GLI3: variants seen among roughly 807,000 people sequenced by gnomAD.
The protein encoded by GLI3 is transcription activator GLI3.
A neutral mutation model predicts 100.8 loss-of-function variants in GLI3; 20 were observed. The observed-to-expected ratio is 0.20, with a 90% CI of 0.14 to 0.29. The LOEUF (loss-of-function observed/expected upper bound fraction) is 0.29. Ranked by LOEUF, GLI3 falls within the 10% of genes least tolerant of loss-of-function variation. The pLI is 1.00. For synonymous variants in GLI3, 938 were observed against 860.5 expected (o/e 1.09, Z -1.58); for missense variants, 2,040 against 2,128.5 (o/e 0.96, Z 0.82).
At chr7:42,259,417 T>C (rs1789117471) in intron 1 of GLI3, among the ~76,000 whole-genome samples, 1 of 152,212 alleles carries the variant, frequency 6.6e-6, no homozygotes, top group African/African-American at 2.4e-5. Context: ...ATGTAGCTGT[T>C]CCTAGTTAAG....
intron 2 of GLI3, among the ~76,000 whole-genome samples, chr7:42,162,754 G>A (rs773231119): frequency 5.3e-5 from 8 of 152,040 alleles, no homozygotes; most frequent in Non-Finnish European, 1.0e-4. Context: ...TAAAATGAAT[G>A]CACCTCAGAG....
At chr7:42,186,426 C>G (rs1056874871) in intron 2 of GLI3, among the ~76,000 whole-genome samples, 2 of 152,128 alleles carry the variant, frequency 1.3e-5, no homozygotes, top group African/African-American at 4.8e-5. Context: ...TAATGACGTT[C>G]TTGATTTTGC....
chr7:42,257,639 C>T (rs565488522), intron 1 of GLI3, among the ~76,000 whole-genome samples: 2 of 152,048 alleles, frequency 1.3e-5, no homozygotes, highest in Non-Finnish European at 2.9e-5. Context: ...CCACCGTGCA[C>T]GTCCCATTCA....
chr7:42,232,216 A>G (rs61317786), intron 1 of GLI3, among the ~76,000 whole-genome samples: 4,543 of 152,220 alleles, frequency 0.03, 214 homozygotes, highest in African/African-American at 0.1. Context: ...ATTTATATGT[A>G]CAGTGCATGC....
In GLI3 at chr7:42,025,120, G is replaced by T. The variant is rs866536170; in HGVS notation, c.1356+144C>A. 7.0e-5 allele frequency: 45 copies of T among 643,142 alleles called. No homozygotes were observed. The Middle Eastern group carries it at 2.5e-3, about 36-fold the overall frequency. 39.8% of individuals were successfully genotyped at this position (643,142 alleles called of 1,614,324 possible). ...CCATATCTAGCCTTTTGTACAACAT[G>T]TAGAGTACGGCCAAGGTCAACAATG... On this transcript the variant is annotated intron_variant, in intron 9 of 14. Transcript: ENST00000395925.
chr7:41,966,822 G>T lies in GLI3; in HGVS notation c.2432-181C>A, dbSNP rs1787198753. 6.6e-6 allele frequency among the ~76,000 whole-genome samples: 1 copy of T among 152,170 alleles called. No individual in the cohort carries two copies. Among genetic ancestry groups the T allele is most frequent in the Non-Finnish European group, 1.5e-5 (1 of 68,040 alleles). On this transcript the variant is annotated intron_variant, in intron 14 of 14. Coordinates refer to ENST00000395925, the MANE Select transcript of GLI3 (RefSeq NM_000168.6). This position sits in a 1 kb window ranked among gnomAD's most constrained non-coding sequence, Gnocchi z 5.8. ...AGTGTAGCCCCAACACGGCCACAGAGAGCAGTGAGCAAGCAAGCGTGGCGG... is the reference window on the plus strand; with the variant it reads ...AGTGTAGCCCCAACACGGCCACAGATAGCAGTGAGCAAGCAAGCGTGGCGG...
chr7:42,049,029 A>T (rs1784302141), intron 4 of GLI3, among the ~76,000 whole-genome samples: 1 of 152,188 alleles, frequency 6.6e-6, no homozygotes, highest in African/African-American at 2.4e-5. Context: ...TGGTTGCTAC[A>T]ATTGTATTTT....
At chr7:42,238,507 C>T (rs1285085719), upstream of GLI3, among the ~76,000 whole-genome samples, 2 of 152,178 alleles carry the variant, frequency 1.3e-5, no homozygotes, top group Admixed American at 6.5e-5. Flanking sequence ...CGAGGAGGAG[C>T]TCCCACCACA....
chr7:42,129,683 C>T (rs1317368700), intron 3 of GLI3, among the ~76,000 whole-genome samples: 1 of 152,074 alleles, frequency 6.6e-6, no homozygotes, highest in Non-Finnish European at 1.5e-5. Flanking sequence ...AGGTGGCGGG[C>T]GCCTGTAATC....
At chr7:41,999,239 A>T (rs1035925148) in intron 10 of GLI3, among the ~76,000 whole-genome samples, 5 of 152,118 alleles carry the variant, frequency 3.3e-5, no homozygotes, top group Non-Finnish European at 7.4e-5. Context: ...GTGACCTAGG[A>T]CACCTGCCTT....
intron 1 of GLI3, among the ~76,000 whole-genome samples, chr7:42,263,054 C>A (rs1044456586): frequency 1.3e-5 from 2 of 152,106 alleles, no homozygotes; most frequent in Admixed American, 6.5e-5. Context: ...TGTAATTATC[C>A]GAGGCATACA....
intron 3 of GLI3, among the ~76,000 whole-genome samples, chr7:42,117,744 GC>G (rs1156278270): frequency 1.3e-5 from 2 of 152,158 alleles, no homozygotes; most frequent in African/African-American, 4.8e-5. Flanking sequence ...GATCTCAGAG[GC>G]CATACATGTT....
intron 2 of GLI3, among the ~76,000 whole-genome samples, chr7:42,176,421 G>A (rs1048540690): frequency 1.3e-5 from 2 of 151,582 alleles, no homozygotes; most frequent in South Asian, 2.1e-4. Flanking sequence ...CTTCTCTAAC[G>A]CCACCCAGGT....
rs183817763 is a variant in GLI3 at position 42,063,576 on chromosome 7, T to C, written c.473+13176A>G. ...TGACTGCCACTTCACCAATAAGCAATTGTAAAACACTATAGATTGTAAAAT... is the reference window on the plus strand; with the variant it reads ...TGACTGCCACTTCACCAATAAGCAACTGTAAAACACTATAGATTGTAAAAT... On this transcript the variant is annotated intron_variant, in intron 4 of 14. Transcript: ENST00000395925. Among the ~76,000 whole-genome samples the C allele has an allele frequency of 2.1e-3, 318 of 152,306 alleles. 1 individual carries two copies. Among genetic ancestry groups the C allele is most frequent in the Middle Eastern group, 0.01 (3 of 294 alleles).
intron 7 of GLI3, among the ~76,000 whole-genome samples, chr7:42,038,806 C>A (rs761618448): frequency 5.3e-5 from 8 of 152,138 alleles, no homozygotes; most frequent in Non-Finnish European, 1.2e-4. Context: ...TAGGGAAAGA[C>A]AACAGTATTC....
At chr7:42,228,499 C>T (rs578246312) in intron 1 of GLI3, among the ~76,000 whole-genome samples, 1 of 152,294 alleles carries the variant, frequency 6.6e-6, no homozygotes, top group East Asian at 1.9e-4. Flanking sequence ...CCCTGCTCCT[C>T]GGAATATTCA....
chr7:42,222,696 T>G, intron 2 of GLI3: 1 of 184,756 alleles, frequency 5.4e-6, no homozygotes, highest in Non-Finnish European at 1.2e-5. Context: ...TCCTTTAAAG[T>G]AGACTACTTA....
Position 41,964,993 on chromosome 7 carries a change from T to C in GLI3, c.4080A>G (p.Pro1360=), listed in dbSNP as rs147379052. The part of the protein sequence containing the change: ...ATSHINIYQG[P]ESCLPGAHGM... ...CGTGAGCCCCTGGCAGGCAGCTCTC[T>C]GGCCCTTGGTAGATGTTGATGTGTG... is the stretch of plus-strand genomic sequence containing the variant. Residue 1360 remains proline (P), a synonymous_variant, in exon 15 of 15, where the codon CCA becomes CCG. Coordinates refer to ENST00000395925, the MANE Select transcript of GLI3 (RefSeq NM_000168.6). The C allele has an allele frequency of 3.7e-6, 6 of 1,613,756 alleles. No homozygotes were observed. In the African/African-American group the frequency reaches 8.0e-5, roughly 22 times the overall value.
chr7:42,023,583 A>G lies in GLI3; in HGVS notation c.1382T>C (p.Val461Ala), dbSNP rs773285140. 3 of 1,613,094 alleles carry G rather than the reference A, an allele frequency of 1.9e-6. 1 individual carries two copies. In the African/African-American group the frequency reaches 4.0e-5, roughly 22 times the overall value. ...TTCATCTTTGTCCCCTTCCTCCTTG[A>G]CAAGGGTTGTTCCTTCGGGCTGTTC... The part of the protein sequence containing the change: ...QQEQPEGTTL[V>A]KEEGDKDESK... The change falls in exon 10 of 15, where the codon GTC (valine) becomes GCC (alanine). Residue 461 changes from valine (V) to alanine (A), a missense_variant. Transcript: ENST00000395925.
Sources: gnomAD v4.1 joint callset for allele counts (sites outside exome capture counted in the v4.1 genomes callset) on GRCh38, gnomAD v4.1.1 for gene constraint, Gnocchi (gnomAD v3.1) non-coding constraint, MANE v1.5 for transcripts, NCBI Gene and HGNC (gene_info 2026-07-23, HGNC 2026-07-21) for gene names.